Variants in NTRK1 observed in about 807,000 individuals in gnomAD.
NTRK1 encodes neurotrophic receptor tyrosine kinase 1, also known as high affinity nerve growth factor receptor.
In NTRK1, 62 loss-of-function variants were observed where a neutral mutation model predicts 86.8. The ratio of observed to expected loss-of-function variants is 0.71; its 90% CI spans 0.58 to 0.88. NTRK1 has a LOEUF of 0.88. NTRK1 is among the 40% of genes least tolerant of loss of function. The pLI is 0.00. For synonymous variants in NTRK1, 469 were observed against 456.6 expected, an observed-to-expected ratio of 1.03 and a Z score of -0.35; for missense variants, 967 against 1,078.4, an observed-to-expected ratio of 0.90 and a Z score of 1.45.
rs1262126236 is a variant in NTRK1, at chr1:156,881,451, C to T, written c.2206-6C>T. On this transcript the variant is annotated splice_region_variant and splice_polypyrimidine_tract_variant and intron_variant, in intron 16 of 16. Transcript: ENST00000524377. ...GCTTTCTCCTCTGTCTCTCCGGTGG[C>T]CCCAGGCAATCGACTGCATCACGCA... The T allele has an allele frequency of 6.4e-7, 1 of 1,559,480 alleles. No homozygotes were observed.
At chr1:156,878,347 T>TCTA (rs1379166060) in intron 14 of NTRK1, among the ~76,000 whole-genome samples, 16 of 152,196 alleles carry the variant, frequency 1.1e-4, no homozygotes, top group African/African-American at 3.6e-4. Context: ...AAGCCTTCCC[T>TCTA]GGCTTTTTCC....
upstream of NTRK1, among the ~76,000 whole-genome samples, chr1:156,858,079 G>T (rs550678453): frequency 6.6e-6 from 1 of 152,188 alleles, no homozygotes; most frequent in Non-Finnish European, 1.5e-5. Flanking sequence ...GGAGGCAGGA[G>T]CTCAGGACCC....
intron 2 of NTRK1, chr1:156,844,324 A>T (rs760952671): frequency 2.6e-5 from 41 of 1,573,616 alleles, no homozygotes; most frequent in Non-Finnish European, 3.6e-5. Context: ...AAGATGTAGA[A>T]GTCAGAGGGA....
chr1:156,858,791 A>C (rs1655502573), upstream of NTRK1: 1 of 620,844 alleles, frequency 1.6e-6, no homozygotes, highest in African/African-American at 1.8e-5. Context: ...AGAAAAAAAG[A>C]AATGAGAGTC....
At chr1:156,844,927 G>T in intron 2 of NTRK1, 1 of 1,581,848 alleles carries the variant, frequency 6.3e-7, no homozygotes, top group South Asian at 1.2e-5. Flanking sequence ...GGGCTGAGCT[G>T]GGAGGTGGGG....
chr1:156,874,560 T>C lies in NTRK1; in HGVS notation c.1196-11T>C, dbSNP rs1024148691. 12 of 1,613,986 alleles carry C rather than the reference T, an allele frequency of 7.4e-6. No homozygotes were observed. Among genetic ancestry groups the C allele is most frequent in the African/African-American group, 1.3e-5 (1 of 74,914 alleles). ...GTCAAGGCTCACCCCTCCTGCCCTG[T>C]GTCCCTACAGACACTAACAGCACAT... is the stretch of plus-strand genomic sequence containing the variant. On this transcript the variant is annotated splice_polypyrimidine_tract_variant and intron_variant, in intron 9 of 16. Transcript: ENST00000524377.
At chr1:156,858,464 C>T, upstream of NTRK1, 1 of 1,136,104 alleles carries the variant, frequency 8.8e-7, no homozygotes, top group South Asian at 1.2e-5. Flanking sequence ...GCTGTGGCTG[C>T]AAGCTCAGTT....
At chr1:156,838,510 CCTGTTGT>C (rs1223820968) in intron 1 of NTRK1, among the ~76,000 whole-genome samples, 1 of 152,138 alleles carries the variant, frequency 6.6e-6, no homozygotes, top group African/African-American at 2.4e-5. Context: ...TCCAGGTCAA[CCTGTTGT>C]CTGTCTGCAA....
intron 2 of NTRK1, chr1:156,849,098 C>A (rs1217061641): frequency 1.2e-6 from 2 of 1,600,166 alleles, no homozygotes; most frequent in South Asian, 1.1e-5. Context: ...GCTGCTTGAG[C>A]GCCCACCCTG....
chr1:156,866,934 GTC>G lies in NTRK1; in HGVS notation c.391_392del (p.Ser131LeufsTer41). The G allele has an allele frequency of 6.2e-7, 1 of 1,614,254 alleles. No homozygotes were observed. On this transcript the variant is annotated frameshift_variant, in exon 4 of 17. Coordinates refer to ENST00000524377, the MANE Select transcript of NTRK1 (RefSeq NM_002529.4). LOFTEE classifies it high-confidence loss of function. ...RLNLSFNALE[S>X]LSWKTVQGLS... ...GGAATCTCTCCTTCAACGCTCTGGA[GTC>G]TCTCTCCTGGAAAACTGTGCAGGGC...
At chr1:156,849,170 GA>G (rs1191145165) in intron 2 of NTRK1, 1 of 1,600,752 alleles carries the variant, frequency 6.2e-7, no homozygotes, top group Non-Finnish European at 8.5e-7. Context: ...TGTCCCCCTC[GA>G]GCTTTCTCCC....
intron 2 of NTRK1, among the ~76,000 whole-genome samples, chr1:156,852,723 G>A (rs1407360059): frequency 6.6e-6 from 1 of 152,248 alleles, no homozygotes; most frequent in Non-Finnish European, 1.5e-5. Flanking sequence ...CAATCGCCTA[G>A]AAACTGCACA....
upstream of NTRK1, among the ~76,000 whole-genome samples, chr1:156,857,657 C>T (rs1197792197): frequency 6.6e-6 from 1 of 152,172 alleles, no homozygotes; most frequent in Non-Finnish European, 1.5e-5. Flanking sequence ...CTACCCAGCC[C>T]ATTGCATCAC....
upstream of NTRK1, among the ~76,000 whole-genome samples, chr1:156,856,285 T>C (rs975997339): frequency 6.6e-6 from 1 of 152,190 alleles, no homozygotes; most frequent in Non-Finnish European, 1.5e-5. Flanking sequence ...TGGCACTCAA[T>C]AAATATTTGA....
chr1:156,841,982 T>C, intron 1 of NTRK1: 1 of 1,555,992 alleles, frequency 6.4e-7, no homozygotes, highest in Non-Finnish European at 8.8e-7. Context: ...GAGACTAAGA[T>C]ACAGGGTGGG....
intron 1 of NTRK1, chr1:156,840,760 G>A (rs559161018): frequency 2.7e-5 from 22 of 809,592 alleles, no homozygotes; most frequent in African/African-American, 5.1e-5. Flanking sequence ...CCCCACCCTC[G>A]GCCATCCCTT....
Position 156,860,879 on chromosome 1 carries a change from T to C in NTRK1, c.-56T>C, listed in dbSNP as rs1314047288. 94 of 1,393,602 alleles carry C rather than the reference T, an allele frequency of 6.7e-5. No homozygotes were observed. Among genetic ancestry groups the C allele is most frequent in the Non-Finnish European group, 8.7e-5 (94 of 1,085,774 alleles). The allele number at this position is 1,393,602 out of a possible 1,614,324, so 86.3% of individuals were successfully genotyped here. On this transcript the variant is annotated 5_prime_UTR_variant, in exon 1 of 17. Transcript: ENST00000524377. ...CACATGTCGGGGGAGGCCTGGCAGCTGCAGCTGGGAGCGCACAGACGGCTG... is the reference window on the plus strand; with the variant it reads ...CACATGTCGGGGGAGGCCTGGCAGCCGCAGCTGGGAGCGCACAGACGGCTG...
intron 11 of NTRK1, among the ~76,000 whole-genome samples, 170 bp downstream of exon 11, chr1:156,875,178 G>A (rs990404709): frequency 7.2e-5 from 11 of 152,176 alleles, no homozygotes; most frequent in Admixed American, 7.2e-4. Flanking sequence ...GAGTGTGAGT[G>A]TGTGTGGGAG....
chr1:156,860,274 T>G (rs1357235109), upstream of NTRK1, among the ~76,000 whole-genome samples: 3 of 152,206 alleles, frequency 2.0e-5, no homozygotes, highest in Admixed American at 1.3e-4. Flanking sequence ...ACCCTGTGGC[T>G]TCTCTTGGAG....
Sources: gnomAD v4.1 joint callset for allele counts (sites outside exome capture counted in the v4.1 genomes callset) on GRCh38, gnomAD v4.1.1 for gene constraint, MANE v1.5 for transcripts, NCBI Gene and HGNC (gene_info 2026-07-23, HGNC 2026-07-21) for gene names.